PDE4D: variants seen among roughly 807,000 people sequenced by gnomAD.
PDE4D encodes 3',5'-cyclic-AMP phosphodiesterase 4D.
In PDE4D, 24 loss-of-function variants were observed where a neutral mutation model predicts 87.4. The ratio of observed to expected loss-of-function variants is 0.27; its 90% CI spans 0.20 to 0.39. The LOEUF (loss-of-function observed/expected upper bound fraction) is 0.39, where lower values mean the gene tolerates loss of function less well. Among genes scored for constraint, PDE4D ranks in the 10% least tolerant of loss-of-function variants. The probability of loss-of-function intolerance (pLI) is 1.00; values close to 1 mark genes in which losing one functional copy is unlikely to be tolerated. For synonymous variants in PDE4D, 384 were observed against 383.2 expected (o/e 1.00, Z -0.02); for missense variants, 714 against 1,041.0 (o/e 0.69, Z 4.32).
chr5:58,978,750 T>TTTTTGTTTTCTTTAGATAAAACAA (rs1744420312), intron 11 of PDE4D, among the ~76,000 whole-genome samples: 1 of 152,178 alleles, frequency 6.6e-6, no homozygotes, highest in Admixed American at 6.5e-5. Context: ...TTTTTGTTAT[T>TTTTTGTTTTCTTTAGATAAAACAA]TTTTGTTTTC....
chr5:59,980,037 G>T (rs1761754030), intron 3 of PDE4D, among the ~76,000 whole-genome samples: 1 of 152,016 alleles, frequency 6.6e-6, no homozygotes, highest in Non-Finnish European at 1.5e-5. Flanking sequence ...ATGCACTCTG[G>T]TCATGTTAAG....
intron 1 of PDE4D, among the ~76,000 whole-genome samples, chr5:59,711,664 C>T (rs1754216682): frequency 6.6e-6 from 1 of 152,098 alleles, no homozygotes; most frequent in Non-Finnish European, 1.5e-5. Flanking sequence ...AAGATCTGCT[C>T]TTTATGCCTT....
chr5:59,575,936 C>T (rs1440728420), intron 1 of PDE4D, among the ~76,000 whole-genome samples: 3 of 152,152 alleles, frequency 2.0e-5, no homozygotes, highest in Non-Finnish European at 4.4e-5. Context: ...ATAATTCAAA[C>T]TTAACCCAAG....
intron 1 of PDE4D, among the ~76,000 whole-genome samples, chr5:60,364,976 T>A (rs6878055): frequency 0.41 from 62,259 of 151,816 alleles, 14,941 homozygotes; most frequent in African/African-American, 0.67. Flanking sequence ...AGAAAATAAA[T>A]TTTTTTTAAA....
intron 1 of PDE4D, among the ~76,000 whole-genome samples, chr5:60,465,923 C>T (rs1004192741): frequency 2.0e-5 from 3 of 151,394 alleles, no homozygotes; most frequent in Admixed American, 6.6e-5. Flanking sequence ...TCAACTGCAC[C>T]GAACAATGAA....
intron 1 of PDE4D, among the ~76,000 whole-genome samples, chr5:60,514,054 T>C (rs1054898808): frequency 1.3e-5 from 2 of 151,634 alleles, no homozygotes; most frequent in Admixed American, 6.6e-5. Context: ...CAACAGATGG[T>C]TCTTTGAAAT....
chr5:59,714,168 C>A (rs1399186332), intron 1 of PDE4D, among the ~76,000 whole-genome samples: 1 of 152,216 alleles, frequency 6.6e-6, no homozygotes, highest in Non-Finnish European at 1.5e-5. Context: ...GACCCACTCA[C>A]AGATGTGGAT....
chr5:59,251,132 C>T (rs1021375248), intron 1 of PDE4D, among the ~76,000 whole-genome samples: 5 of 152,186 alleles, frequency 3.3e-5, no homozygotes, highest in African/African-American at 9.6e-5. Flanking sequence ...AGATTCATGA[C>T]AAAGACACCA....
intron 1 of PDE4D, among the ~76,000 whole-genome samples, chr5:59,293,321 G>C (rs1768410392): frequency 1.3e-5 from 2 of 152,118 alleles, no homozygotes; most frequent in African/African-American, 4.8e-5. Context: ...GAGAAGAATA[G>C]CATTGCTGGT....
chr5:60,259,743 C>T lies in PDE4D; in HGVS notation c.-89-74056G>A, dbSNP rs900095029. On this transcript the variant is annotated intron_variant, in intron 1 of 16. Coordinates refer to the PDE4D transcript ENST00000502484. ...AGGTATAAGCACAGGAATAGACCCT[C>T]TTTACACAAGGCAAATAAGGAAAGG... Among the ~76,000 whole-genome samples, 9 of 152,188 alleles carry T rather than the reference C, an allele frequency of 5.9e-5. No individual in the cohort carries two copies. The South Asian group carries it at 8.3e-4, about 14-fold the overall frequency.
In PDE4D at chr5:60,173,177, G is replaced by T. The variant is rs373205453; in HGVS notation, c.42+12380C>A. 4.9e-4 allele frequency among the ~76,000 whole-genome samples: 75 copies of T among 152,110 alleles called. No homozygotes were observed. In the South Asian group the frequency reaches 0.014, roughly 28 times the overall value. ...ACAGTTACATTTGTGTGGCTCCAAG[G>T]TTTAGTGTCCAAAGTAAGGAATTTG... is the stretch of plus-strand genomic sequence containing the variant. On this transcript the variant is annotated intron_variant, in intron 2 of 16. Transcript: ENST00000502484.
intron 1 of PDE4D, among the ~76,000 whole-genome samples, chr5:59,472,349 G>C (rs914863834): frequency 1.4e-4 from 21 of 152,156 alleles, no homozygotes; most frequent in African/African-American, 4.8e-4. Context: ...CAGGAAAGAA[G>C]AGAGAGTGGA....
At chr5:59,114,101 ATTAG>A (rs1773147367) in intron 5 of PDE4D, among the ~76,000 whole-genome samples, 1 of 152,252 alleles carries the variant, frequency 6.6e-6, no homozygotes, top group Non-Finnish European at 1.5e-5. Context: ...GTTTAACATT[ATTAG>A]TTAAATAACT....
chr5:60,372,089 G>A (rs80321167), intron 1 of PDE4D, among the ~76,000 whole-genome samples: 6,295 of 151,792 alleles, frequency 0.041, 166 homozygotes, highest in East Asian at 0.11. Context: ...CTCACCAGCA[G>A]TCTAGGAGCA....
chr5:60,481,200 A>G (rs1007378449), intron 1 of PDE4D, among the ~76,000 whole-genome samples: 4 of 152,146 alleles, frequency 2.6e-5, no homozygotes, highest in African/African-American at 9.7e-5. Flanking sequence ...CCCAACAAAA[A>G]TATTTTAACC....
chr5:59,633,397 G>C (rs59457704), intron 1 of PDE4D, among the ~76,000 whole-genome samples: 1 of 152,114 alleles, frequency 6.6e-6, no homozygotes, highest in South Asian at 2.1e-4. Context: ...ACCTCACAAA[G>C]ATACTCCTTG....
At chr5:59,347,570 C>T (rs971520365) in intron 1 of PDE4D, among the ~76,000 whole-genome samples, 1 of 152,174 alleles carries the variant, frequency 6.6e-6, no homozygotes, top group Admixed American at 6.5e-5. Context: ...TACTATAGGA[C>T]TATTACTACT....
At chr5:59,789,565 C>T (rs758844927) in intron 1 of PDE4D, among the ~76,000 whole-genome samples, 4 of 152,330 alleles carry the variant, frequency 2.6e-5, no homozygotes, top group African/African-American at 9.6e-5. Flanking sequence ...TGAAGTCATA[C>T]AGTATATTTA....
intron 1 of PDE4D, among the ~76,000 whole-genome samples, chr5:60,193,301 AG>A: frequency 6.6e-6 from 1 of 152,324 alleles, no homozygotes; most frequent in South Asian, 2.1e-4. Flanking sequence ...TGGGTTTTAT[AG>A]GACCAACAGG....
Sources: allele counts gnomAD v4.1 joint callset (sites outside exome capture counted in the v4.1 genomes callset), GRCh38; gene constraint gnomAD v4.1.1; transcripts MANE v1.5; gene names NCBI Gene and HGNC (gene_info 2026-07-23, HGNC 2026-07-21).